The following ZFAND3 variants were observed in gnomAD, a reference collection of about 807,000 sequenced individuals.
The protein encoded by ZFAND3 is AN1-type zinc finger protein 3.
In ZFAND3, 10 loss-of-function variants were observed where a neutral mutation model predicts 29.6. That is an observed-to-expected ratio of 0.34 (90% CI 0.21 to 0.57). ZFAND3 has a LOEUF of 0.57. Among genes scored for constraint, ZFAND3 ranks in the 20% least tolerant of loss-of-function variants. The pLI is 0.86. For synonymous variants in ZFAND3, 128 were observed against 112.6 expected (o/e 1.14, Z -0.87); for missense variants, 230 against 304.5 (o/e 0.76, Z 1.82).
In ZFAND3 at chr6:38,004,839, C is replaced by T. The variant is rs58084785; in HGVS notation, c.113-56754C>T. On this transcript the variant is annotated intron_variant, in intron 2 of 5. Coordinates refer to ENST00000287218, the MANE Select transcript of ZFAND3 (RefSeq NM_021943.3). The stretch of plus-strand genomic sequence containing the variant: ...TTAAATGTCTGGCTATAACACAGAT[C>T]ATCATCATGTGGCAAAGGTATGTCA... 0.017 allele frequency among the ~76,000 whole-genome samples: 2,585 copies of T among 152,192 alleles called. 253 individuals carry two copies. The East Asian group carries it at 0.28, about 16-fold the overall frequency.
At chr6:37,900,568 T>C (rs573049630) in intron 1 of ZFAND3, among the ~76,000 whole-genome samples, 2 of 152,310 alleles carry the variant, frequency 1.3e-5, no homozygotes, top group East Asian at 1.9e-4. Flanking sequence ...TTTTTTCCCC[T>C]CTTTTTGGAA....
At chr6:37,830,531 GGAAATA>G (rs1299840206) in intron 1 of ZFAND3, among the ~76,000 whole-genome samples, 1 of 152,190 alleles carries the variant, frequency 6.6e-6, no homozygotes, top group Non-Finnish European at 1.5e-5. Flanking sequence ...AAAGTTTAGT[GGAAATA>G]GCAGCAGCTT....
chr6:38,144,190 T>TA (rs1408640303), intron 5 of ZFAND3, among the ~76,000 whole-genome samples: 24 of 41,174 alleles, frequency 5.8e-4, no homozygotes, highest in Non-Finnish European at 8.9e-4. Context: ...ATATAATATA[T>TA]ATATATATAT....
At chr6:38,110,638 A>G (rs563956028) in intron 4 of ZFAND3, among the ~76,000 whole-genome samples, 34 of 152,374 alleles carry the variant, frequency 2.2e-4, no homozygotes, top group African/African-American at 8.2e-4. Context: ...CAATCTGTCA[A>G]GAGACTGATA....
intron 1 of ZFAND3, among the ~76,000 whole-genome samples, chr6:37,843,498 A>T (rs1370506906): frequency 6.6e-6 from 1 of 152,114 alleles, no homozygotes; most frequent in African/African-American, 2.4e-5. Flanking sequence ...AAAAAAAAAA[A>T]AAATGTGTTC....
intron 1 of ZFAND3, among the ~76,000 whole-genome samples, chr6:37,835,373 TC>T (rs1479929992): frequency 6.6e-6 from 1 of 151,882 alleles, no homozygotes; most frequent in Non-Finnish European, 1.5e-5. Context: ...CCCAGGCTGG[TC>T]TTGAACTCCT....
chr6:38,091,688 A>G, intron 4 of ZFAND3, among the ~76,000 whole-genome samples: 5 of 116,974 alleles, frequency 4.3e-5, no homozygotes, highest in South Asian at 2.8e-4. Context: ...CCCATTAAGG[A>G]GCCTTTTTTT....
chr6:38,036,934 G>A (rs1291843870), intron 2 of ZFAND3, among the ~76,000 whole-genome samples: 1 of 152,056 alleles, frequency 6.6e-6, no homozygotes, highest in Non-Finnish European at 1.5e-5. Context: ...ATTTTAAAAG[G>A]TAAACCATCT....
chr6:38,020,755 C>T (rs1763334515), intron 2 of ZFAND3, among the ~76,000 whole-genome samples: 1 of 152,200 alleles, frequency 6.6e-6, no homozygotes, highest in Non-Finnish European at 1.5e-5. Context: ...AGAATCACTT[C>T]AGGCTGATGA....
chr6:38,138,552 C>T (rs1765887301), intron 5 of ZFAND3, among the ~76,000 whole-genome samples: 2 of 152,332 alleles, frequency 1.3e-5, no homozygotes, highest in East Asian at 1.9e-4. Flanking sequence ...CGCATTCCAG[C>T]CCTGCTGGCT....
chr6:37,836,721 A>C lies in ZFAND3; in HGVS notation c.71+16705A>C, dbSNP rs148047409. Reference sequence around the variant, plus strand: ...TCATGAATCTAACCATCATGAATTGAAACTTCTCTTGAATCTATATTTTCA... The same window carrying C: ...TCATGAATCTAACCATCATGAATTGCAACTTCTCTTGAATCTATATTTTCA... On this transcript the variant is annotated intron_variant, in intron 1 of 5. Transcript: ENST00000287218. 7.2e-5 allele frequency among the ~76,000 whole-genome samples: 11 copies of C among 152,314 alleles called. No homozygotes were observed. In the East Asian group the frequency reaches 1.9e-3, roughly 27 times the overall value.
chr6:38,035,206 A>C (rs952600692), intron 2 of ZFAND3, among the ~76,000 whole-genome samples: 1 of 152,146 alleles, frequency 6.6e-6, no homozygotes, highest in African/African-American at 2.4e-5. Context: ...AGCAGTAAGA[A>C]ATACTTAAAA....
intron 1 of ZFAND3, among the ~76,000 whole-genome samples, chr6:37,822,659 C>T (rs1166254652): frequency 2.0e-5 from 3 of 152,074 alleles, no homozygotes; most frequent in African/African-American, 7.2e-5. Context: ...GGGAGGGGCA[C>T]CTACCCTAGC....
chr6:38,086,950 G>A (rs1483043579), intron 4 of ZFAND3, among the ~76,000 whole-genome samples: 1 of 152,122 alleles, frequency 6.6e-6, no homozygotes, highest in Non-Finnish European at 1.5e-5. Flanking sequence ...ATACTACAGA[G>A]CTATACTAAC....
intron 1 of ZFAND3, among the ~76,000 whole-genome samples, chr6:37,859,349 A>G (rs2127382914): frequency 6.6e-6 from 1 of 152,266 alleles, no homozygotes; most frequent in South Asian, 2.1e-4. Flanking sequence ...ATTTTATTTC[A>G]GTGTTCTGTG....
intron 2 of ZFAND3, among the ~76,000 whole-genome samples, chr6:38,033,006 A>G (rs1581855648): frequency 6.6e-6 from 1 of 152,202 alleles, no homozygotes; most frequent in South Asian, 2.1e-4. Flanking sequence ...AAAGGCTGTC[A>G]TAGTTACTTT....
chr6:38,118,663 G>T (rs1458442171), intron 5 of ZFAND3, among the ~76,000 whole-genome samples: 2 of 148,974 alleles, frequency 1.3e-5, no homozygotes, highest in Non-Finnish European at 3.0e-5. Context: ...TCACAATTTA[G>T]CACTGAGATC....
chr6:38,030,454 C>T (rs1462239262), intron 2 of ZFAND3, among the ~76,000 whole-genome samples: 1 of 152,078 alleles, frequency 6.6e-6, no homozygotes, highest in Non-Finnish European at 1.5e-5. Flanking sequence ...CCAGTACTTA[C>T]TGTGGTAAAG....
chr6:37,820,921 A>AT (rs1763655176), intron 1 of ZFAND3, among the ~76,000 whole-genome samples: 6 of 152,348 alleles, frequency 3.9e-5, no homozygotes, highest in South Asian at 2.1e-4. Flanking sequence ...GCCACCTAAC[A>AT]GGTGCCTCCA....
Sources: allele counts gnomAD v4.1 joint callset (sites outside exome capture counted in the v4.1 genomes callset), GRCh38; gene constraint gnomAD v4.1.1; transcripts MANE v1.5; gene names NCBI Gene and HGNC (gene_info 2026-07-23, HGNC 2026-07-21).